Variants in MXI1 observed in about 807,000 individuals in gnomAD.
MXI1 encodes the protein MAX interactor 1, dimerization protein, also known as max-interacting protein 1.
Under a neutral mutation model 36.9 loss-of-function variants are expected in MXI1, and 18 were observed. That is an observed-to-expected ratio of 0.49 (90% CI 0.34 to 0.72). MXI1 has a LOEUF of 0.72. MXI1 is among the 30% of genes least tolerant of loss of function. MXI1 has a pLI of 0.01. For missense variants in MXI1, 304 were observed against 379.1 expected (o/e 0.80, Z 1.64); for synonymous variants, 160 against 146.7 (o/e 1.09, Z -0.65).
chr10:110,280,829 A>G (rs1036964596), intron 5 of MXI1, among the ~76,000 whole-genome samples: 3 of 152,118 alleles, frequency 2.0e-5, no homozygotes, highest in African/African-American at 4.8e-5. Context: ...CTTTCCATCT[A>G]TCCTAGAATA....
chr10:110,213,132 GAGAC>G (rs1463431203), intron 1 of MXI1, among the ~76,000 whole-genome samples: 1 of 152,170 alleles, frequency 6.6e-6, no homozygotes, highest in Non-Finnish European at 1.5e-5. Context: ...CTTGGGTGGT[GAGAC>G]CAATCCCTGC....
At chr10:110,271,676 G>A (rs1235214931) in intron 3 of MXI1, among the ~76,000 whole-genome samples, 1 of 152,206 alleles carries the variant, frequency 6.6e-6, no homozygotes, top group East Asian at 1.9e-4. Flanking sequence ...AATGAGGCTG[G>A]AAAGGTGGTA....
intron 3 of MXI1, among the ~76,000 whole-genome samples, chr10:110,246,992 A>T (rs558577760): frequency 2.0e-5 from 3 of 152,280 alleles, no homozygotes; most frequent in African/African-American, 7.2e-5. Flanking sequence ...TTAAATATTG[A>T]TAAACATGTG....
At chr10:110,280,459 TCA>T (rs549429935) in intron 5 of MXI1, among the ~76,000 whole-genome samples, 56 of 152,022 alleles carry the variant, frequency 3.7e-4, no homozygotes, top group African/African-American at 1.3e-3. Context: ...GGCGGGCAGA[TCA>T]CAAGGTCAGG....
intron 1 of MXI1, chr10:110,227,540 A>T (rs960340429): frequency 3.2e-6 from 3 of 942,050 alleles, no homozygotes; most frequent in Non-Finnish European, 3.7e-6. Context: ...GGAGCGGGAG[A>T]GGGTGCTGGG....
At chr10:110,272,058 T>C (rs1856872289) in intron 3 of MXI1, among the ~76,000 whole-genome samples, 1 of 152,014 alleles carries the variant, frequency 6.6e-6, no homozygotes, top group African/African-American at 2.4e-5. Context: ...CCAAAGTCCA[T>C]AGTGATGTGT....
In MXI1 at chr10:110,266,311, T is replaced by A. The variant is rs552221150; in HGVS notation, c.438-12869T>A. Among the ~76,000 whole-genome samples, 154 of 152,278 alleles carry A rather than the reference T, an allele frequency of 1.0e-3. 1 individual carries two copies. Among genetic ancestry groups the A allele is most frequent in the South Asian group, 3.7e-3 (18 of 4,822 alleles). ...TTTTAGTAGAGACGGGGTTTCACCA[T>A]GCTGGCCAGGCTAGTCTCGAACTCC... On this transcript the variant is annotated intron_variant, in intron 3 of 5. Coordinates refer to ENST00000332674, the MANE Select transcript of MXI1 (RefSeq NM_130439.3).
intron 3 of MXI1, among the ~76,000 whole-genome samples, chr10:110,272,680 A>G (rs936686749): frequency 3.3e-5 from 5 of 151,504 alleles, no homozygotes; most frequent in African/African-American, 1.2e-4. Flanking sequence ...AATGTGACAG[A>G]ATAATTTATA....
rs1230478598 is a variant in MXI1 at position 110,286,011 on chromosome 10, C to T, written c.*1024C>T. The T allele has an allele frequency of 1.3e-5, 2 of 152,492 alleles. No individual in the cohort carries two copies. The highest frequency in any genetic ancestry group is 2.9e-5 in the Non-Finnish European group (2 of 68,022). The allele number at this position is 152,492 out of a possible 1,614,324, so 9.4% of individuals were successfully genotyped here. On this transcript the variant is annotated 3_prime_UTR_variant, in exon 6 of 6. Transcript: ENST00000332674. ...GGGAAAAAAATCATCTATTTTGATG[C>T]AGCATTTGATAATGATAAAACACCT...
intron 3 of MXI1, among the ~76,000 whole-genome samples, chr10:110,258,751 T>G (rs999777741): frequency 7.9e-5 from 12 of 152,144 alleles, no homozygotes; most frequent in African/African-American, 2.9e-4. Context: ...GTAGCCAGGA[T>G]AAAATTACAC....
At position 110,284,759 on chromosome 10, in the gene MXI1, T is replaced by C. The variant is rs1857383540; in HGVS notation, c.725-65T>C. ...TCTTATACCTCTTTTCCTCATGCTG[T>C]TAGTTTTTGAAGGTGCGCTATACTC... On this transcript the variant is annotated intron_variant, in intron 5 of 5. Coordinates refer to ENST00000332674, the MANE Select transcript of MXI1 (RefSeq NM_130439.3). 20 of 1,415,366 alleles carry C rather than the reference T, an allele frequency of 1.4e-5. No homozygotes were observed. In the South Asian group the frequency reaches 2.1e-4, roughly 15 times the overall value. 87.7% of individuals were successfully genotyped at this position (1,415,366 alleles called of 1,614,324 possible).
At chr10:110,255,017 T>TGAG (rs1856235824) in intron 3 of MXI1, among the ~76,000 whole-genome samples, 1 of 151,994 alleles carries the variant, frequency 6.6e-6, no homozygotes, top group African/African-American at 2.4e-5. Flanking sequence ...GAAGATGCCA[T>TGAG]CCAGGACTTT....
intron 3 of MXI1, among the ~76,000 whole-genome samples, chr10:110,273,320 T>G (rs867429007): frequency 6.6e-6 from 1 of 152,182 alleles, no homozygotes; most frequent in African/African-American, 2.4e-5. Context: ...GTGCTGAGAT[T>G]ACAGGCATGA....
intron 2 of MXI1, among the ~76,000 whole-genome samples, chr10:110,241,087 G>C (rs1855653850): frequency 6.6e-6 from 1 of 151,974 alleles, no homozygotes; most frequent in Admixed American, 6.6e-5. Flanking sequence ...TCAATGAAAA[G>C]TCACATATCT....
intron 2 of MXI1, among the ~76,000 whole-genome samples, chr10:110,239,537 A>T (rs1165724871): frequency 2.6e-5 from 4 of 152,124 alleles, no homozygotes; most frequent in Non-Finnish European, 2.9e-5. Context: ...AAATATTGGG[A>T]TTTTTCTAAT....
intron 2 of MXI1, among the ~76,000 whole-genome samples, chr10:110,233,632 ATGTTGTTATTATTC>A: frequency 6.6e-6 from 1 of 152,198 alleles, no homozygotes; most frequent in Middle Eastern, 3.4e-3. Flanking sequence ...ACTCTTAATG[ATGTTGTTATTATTC>A]TTAAGTATTT....
At chr10:110,276,601 CTTAAAG>C (rs758847211) in intron 3 of MXI1, among the ~76,000 whole-genome samples, 1 of 137,876 alleles carries the variant, frequency 7.3e-6, no homozygotes, top group African/African-American at 2.8e-5. Context: ...AGTGTAAACT[CTTAAAG>C]TTAACATTTT....
At chr10:110,254,091 A>G (rs1296560185) in intron 3 of MXI1, among the ~76,000 whole-genome samples, 7 of 152,128 alleles carry the variant, frequency 4.6e-5, no homozygotes. Context: ...ATGTACAGGT[A>G]TACTTCATTT....
chr10:110,242,278 C>T (rs1364188615), intron 2 of MXI1, among the ~76,000 whole-genome samples: 2 of 151,946 alleles, frequency 1.3e-5, no homozygotes, highest in East Asian at 1.9e-4. Flanking sequence ...ATTTATTTTG[C>T]CTTCAGTTAT....
Sources: gnomAD v4.1 joint callset for allele counts (sites outside exome capture counted in the v4.1 genomes callset) on GRCh38, gnomAD v4.1.1 for gene constraint, MANE v1.5 for transcripts, NCBI Gene and HGNC (gene_info 2026-07-23, HGNC 2026-07-21) for gene names.